The following POU2AF1 variants were observed in gnomAD, a reference collection of about 807,000 sequenced individuals.
POU2AF1 encodes the protein POU domain class 2-associating factor 1.
In POU2AF1, 12 loss-of-function variants were observed where a neutral mutation model predicts 26.3. The observed-to-expected ratio is 0.46, with a 90% CI of 0.29 to 0.74. POU2AF1 has a LOEUF of 0.74. Ranked by LOEUF, POU2AF1 falls within the 30% of genes least tolerant of loss-of-function variation. The pLI, the probability that POU2AF1 is intolerant of heterozygous loss-of-function variation, is 0.09. For synonymous variants in POU2AF1, 175 were observed against 148.0 expected, an observed-to-expected ratio of 1.18 and a Z score of -1.32; for missense variants, 297 against 334.5, an observed-to-expected ratio of 0.89 and a Z score of 0.87.
At position 111,354,338 on chromosome 11, in the gene POU2AF1, T is replaced by C. The variant is rs1165165556; in HGVS notation, c.694A>G (p.Ile232Val). 1.9e-6 allele frequency: 3 copies of C among 1,614,168 alleles called. No individual in the cohort carries two copies. The highest frequency in any genetic ancestry group is 2.2e-5 in the South Asian group (2 of 91,080). ...DPRRAASSLT[I>V]DKLLLEEEDS... ...TCTTCCTCCAAAAGCAGCTTGTCGA[T>C]GGTCAACGAGCTGGCGGCTCTTCTG... Residue 232 changes from isoleucine to valine, a missense_variant, in exon 5 of 5, where the codon ATC becomes GTC. By Grantham distance (29) the Ile-to-Val change is conservative. Transcript: ENST00000393067.
intron 2 of POU2AF1, among the ~76,000 whole-genome samples, chr11:111,358,399 C>T (rs534166505): frequency 2.3e-5 from 1 of 42,792 alleles, no homozygotes; most frequent in Non-Finnish European, 7.6e-5. Flanking sequence ...CTCCCTCACA[C>T]ACATACTCTC....
Position 111,357,608 on chromosome 11 carries a change from G to A in POU2AF1, c.293C>T (p.Pro98Leu). ...LSQPTPATLQPLAPWTPYTEY... is the reference protein window; with the variant it reads ...LSQPTPATLQLLAPWTPYTEY... ...GGTGTAAGGTGTCCATGGGGCCAGGGGCTGCAGGGTGGCCGGGGTGGGCTG... is the reference window on the plus strand; with the variant it reads ...GGTGTAAGGTGTCCATGGGGCCAGGAGCTGCAGGGTGGCCGGGGTGGGCTG... The change falls in exon 4 of 5, where the codon CCC (proline) becomes CTC (leucine). Residue 98 changes from proline (P) to leucine (L), a missense_variant. Physicochemically the swap from Pro to Leu is moderately conservative, Grantham distance 98. Transcript: ENST00000393067. 1 of 1,614,050 alleles carries A rather than the reference G, an allele frequency of 6.2e-7. No homozygotes were observed. Among genetic ancestry groups the A allele is most frequent in the South Asian group, 1.1e-5 (1 of 91,060 alleles).
At chr11:111,356,036 G>T (rs1196327004) in intron 4 of POU2AF1, among the ~76,000 whole-genome samples, 1 of 152,242 alleles carries the variant, frequency 6.6e-6, no homozygotes, top group Non-Finnish European at 1.5e-5. Flanking sequence ...TGCTGATCAG[G>T]AGTGTGGACT....
rs527703511 is a variant in POU2AF1 at position 111,354,648 on chromosome 11, G to A, written c.457-73C>T. The A allele has an allele frequency of 6.3e-4, 822 of 1,296,368 alleles. 11 individuals are homozygous for A. In the South Asian group the frequency reaches 8.4e-3, roughly 13 times the overall value. 80.3% of individuals were successfully genotyped at this position (1,296,368 alleles called of 1,614,324 possible). On this transcript the variant is annotated intron_variant, in intron 4 of 4. Transcript: ENST00000393067. ...CATCCACCCATCCTTGCCCTTAGAG[G>A]GGTCTCCATCTCCCCCTTCAATTCT... is the stretch of plus-strand genomic sequence containing the variant.
At chr11:111,368,884 A>G (rs1279585374) in intron 1 of POU2AF1, among the ~76,000 whole-genome samples, 2 of 152,238 alleles carry the variant, frequency 1.3e-5, no homozygotes, top group Non-Finnish European at 2.9e-5. Flanking sequence ...TGAGCTCCCA[A>G]CAAATAGCCC....
intron 1 of POU2AF1, chr11:111,363,487 C>G: frequency 9.9e-7 from 1 of 1,008,594 alleles, no homozygotes; most frequent in Non-Finnish European, 1.2e-6. Context: ...ACTGAGCTCC[C>G]TACTGCCACC....
chr11:111,359,846 C>T lies in POU2AF1; in HGVS notation c.17-928G>A, dbSNP rs77377941. 2.7e-3 allele frequency: 1,263 copies of T among 466,392 alleles called. 7 individuals carry two copies. The highest frequency in any genetic ancestry group is 0.02 in the African/African-American group (1,036 of 50,872). 28.9% of individuals were successfully genotyped at this position (466,392 alleles called of 1,614,324 possible). A position where few individuals can be genotyped will look rare whatever the true frequency, so the allele number is the denominator to read the frequency against. ...GCTCAGTTGATACTTATTGATTAAT[C>T]GATTGGGTGATTCTTTAAGACATGC... On this transcript the variant is annotated intron_variant, in intron 1 of 4. Coordinates refer to ENST00000393067, the MANE Select transcript of POU2AF1 (RefSeq NM_006235.3).
intron 2 of POU2AF1, among the ~76,000 whole-genome samples, chr11:111,358,406 T>TCA (rs1256009274): frequency 4.3e-5 from 1 of 23,382 alleles, no homozygotes; most frequent in Admixed American, 6.6e-4. Context: ...ACACACATAC[T>TCA]CTCTCACACA....
intron 1 of POU2AF1, among the ~76,000 whole-genome samples, chr11:111,369,069 A>G (rs1036568348): frequency 1.3e-5 from 2 of 152,140 alleles, no homozygotes; most frequent in Non-Finnish European, 2.9e-5. Context: ...TGCCTTCATT[A>G]TGCTCCTGGA....
chr11:111,371,268 T>G (rs1328051809), intron 1 of POU2AF1, among the ~76,000 whole-genome samples: 2 of 152,232 alleles, frequency 1.3e-5, no homozygotes, highest in East Asian at 3.8e-4. Context: ...AATCTTTTGG[T>G]GACCAGCTCT....
chr11:111,358,458 T>A (rs111742719), intron 2 of POU2AF1, among the ~76,000 whole-genome samples: 133 of 37,444 alleles, frequency 3.6e-3, no homozygotes, highest in South Asian at 9.1e-3. Context: ...ACACACACTC[T>A]CTCACACACA....
intron 1 of POU2AF1, among the ~76,000 whole-genome samples, chr11:111,367,265 C>G (rs1470403984): frequency 6.6e-6 from 1 of 152,196 alleles, no homozygotes; most frequent in Non-Finnish European, 1.5e-5. Context: ...GGACTCAGGT[C>G]TGTTGAATGA....
At chr11:111,366,273 A>G (rs1861103220) in intron 1 of POU2AF1, among the ~76,000 whole-genome samples, 1 of 152,238 alleles carries the variant, frequency 6.6e-6, no homozygotes, top group Non-Finnish European at 1.5e-5. Flanking sequence ...TCCTGCAGCC[A>G]GGAATTATAA....
Position 111,357,590 on chromosome 11 carries a change from G to T in POU2AF1, c.311C>A (p.Pro104His). The T allele has an allele frequency of 6.2e-7, 1 of 1,614,122 alleles. No individual in the cohort carries two copies. Among genetic ancestry groups the T allele is most frequent in the African/African-American group, 1.3e-5 (1 of 75,076 alleles). ...ATLQPLAPWT[P>H]YTEYVPHEAV... ...TTCATGGGGCACATACTCGGTGTAA[G>T]GTGTCCATGGGGCCAGGGGCTGCAG... Residue 104 changes from proline (P) to histidine (H), a missense_variant, in exon 4 of 5, where the codon CCT (proline) becomes CAT (histidine). By Grantham distance (77) the Pro-to-His change is moderately conservative. Transcript: ENST00000393067.
At chr11:111,362,450 C>T (rs1861028735) in intron 1 of POU2AF1, among the ~76,000 whole-genome samples, 1 of 152,224 alleles carries the variant, frequency 6.6e-6, no homozygotes, top group South Asian at 2.1e-4. Flanking sequence ...GTCATCCCCA[C>T]TCCCACTCCC....
Position 111,373,466 on chromosome 11 carries a change from G to A in POU2AF1, c.16+5696C>T, listed in dbSNP as rs78017307. ...TCAGAGCATTCCAGTGTGTAGCCAAGGTATAAAAACACTGCCCTAAGCAGA... is the reference window on the plus strand; with the variant it reads ...TCAGAGCATTCCAGTGTGTAGCCAAAGTATAAAAACACTGCCCTAAGCAGA... On this transcript the variant is annotated intron_variant, in intron 1 of 4. Transcript: ENST00000393067. Among the ~76,000 whole-genome samples, 228 of 152,218 alleles carry A rather than the reference G, an allele frequency of 1.5e-3. 3 individuals carry two copies. The East Asian group carries it at 0.041, about 27-fold the overall frequency.
chr11:111,358,336 T>TG (rs1565360484), intron 2 of POU2AF1, among the ~76,000 whole-genome samples: 3 of 115,186 alleles, frequency 2.6e-5, no homozygotes, highest in East Asian at 4.9e-4. Context: ...TCTCACACAC[T>TG]CTCACACTCT....
chr11:111,364,047 T>C, intron 1 of POU2AF1: 1 of 920,870 alleles, frequency 1.1e-6, no homozygotes, highest in East Asian at 1.3e-4. Flanking sequence ...AGAAAAACCA[T>C]TAATTTGGCC....
intron 4 of POU2AF1, among the ~76,000 whole-genome samples, chr11:111,355,827 C>T (rs2042009800): frequency 6.6e-6 from 1 of 152,248 alleles, no homozygotes; most frequent in South Asian, 2.1e-4. Flanking sequence ...AGCATAATCA[C>T]TTCCTCTCCT....
Sources: allele counts gnomAD v4.1 joint callset (sites outside exome capture counted in the v4.1 genomes callset), GRCh38; gene constraint gnomAD v4.1.1; transcripts MANE v1.5; gene names NCBI Gene and HGNC (gene_info 2026-07-23, HGNC 2026-07-21).